PTPRM: variants seen among roughly 807,000 people sequenced by gnomAD.
PTPRM encodes the protein receptor-type tyrosine-protein phosphatase mu.
Under a neutral mutation model 186.7 loss-of-function variants are expected in PTPRM, and 47 were observed. That is an observed-to-expected ratio of 0.25 (90% CI 0.20 to 0.32). The LOEUF (loss-of-function observed/expected upper bound fraction) is 0.32, where lower values mean the gene tolerates loss of function less well. PTPRM is among the 10% of genes least tolerant of loss of function. PTPRM has a pLI of 1.00. For synonymous variants in PTPRM, 668 were observed against 674.9 expected (o/e 0.99, Z 0.16); for missense variants, 1,494 against 1,865.0 (o/e 0.80, Z 3.66).
At chr18:8,045,073 A>G (rs62089514) in intron 7 of PTPRM, among the ~76,000 whole-genome samples, 1 of 152,180 alleles carries the variant, frequency 6.6e-6, no homozygotes, top group Non-Finnish European at 1.5e-5. Context: ...TAAGCAGGGC[A>G]TGGTGGCTCA....
chr18:8,208,882 C>T (rs918019356), intron 14 of PTPRM, among the ~76,000 whole-genome samples: 8 of 152,232 alleles, frequency 5.3e-5, no homozygotes, highest in Admixed American at 1.3e-4. Flanking sequence ...GAAAGAAATT[C>T]GAGGCAGAGG....
At chr18:7,775,038 A>G (rs2042513257) in intron 2 of PTPRM, among the ~76,000 whole-genome samples, 2 of 152,228 alleles carry the variant, frequency 1.3e-5, no homozygotes, top group South Asian at 4.1e-4. Flanking sequence ...TTCAGATACA[A>G]CACAATTTTT....
chr18:7,613,550 G>A (rs1438073789), intron 1 of PTPRM, among the ~76,000 whole-genome samples: 1 of 152,072 alleles, frequency 6.6e-6, no homozygotes, highest in Non-Finnish European at 1.5e-5. Context: ...GCATGTACCT[G>A]CAGTCTGAGC....
chr18:7,955,899 C>T (rs1013963682), intron 7 of PTPRM, among the ~76,000 whole-genome samples: 2 of 152,100 alleles, frequency 1.3e-5, no homozygotes, highest in African/African-American at 4.8e-5. Context: ...ATGACTTGGG[C>T]CTGTTTGTAT....
At chr18:8,126,605 C>T (rs1330912184) in intron 13 of PTPRM, among the ~76,000 whole-genome samples, 1 of 152,168 alleles carries the variant, frequency 6.6e-6, no homozygotes, top group African/African-American at 2.4e-5. Context: ...TCCCATTTCA[C>T]ATCCTAAGTC....
chr18:7,656,505 G>A (rs117476848), intron 1 of PTPRM, among the ~76,000 whole-genome samples: 2,015 of 152,168 alleles, frequency 0.013, 21 homozygotes, highest in Non-Finnish European at 0.022. Context: ...TTCTGGTGGC[G>A]ATGGTTGCTT....
At chr18:8,280,109 A>G (rs1461915284) in intron 19 of PTPRM, among the ~76,000 whole-genome samples, 1 of 152,158 alleles carries the variant, frequency 6.6e-6, no homozygotes, top group African/African-American at 2.4e-5. Flanking sequence ...CTCACACAAC[A>G]GAAGGTTACT....
chr18:7,621,170 G>A (rs1161233664), intron 1 of PTPRM, among the ~76,000 whole-genome samples: 1 of 152,144 alleles, frequency 6.6e-6, no homozygotes, highest in African/African-American at 2.4e-5. Flanking sequence ...TTCATATGAG[G>A]CAGTAGAGGC....
intron 7 of PTPRM, among the ~76,000 whole-genome samples, chr18:8,029,302 T>C (rs1480183508): frequency 3.9e-5 from 5 of 128,750 alleles, no homozygotes; most frequent in South Asian, 2.8e-4. Flanking sequence ...CCTGTCCTGT[T>C]TGGAGTGCCC....
At chr18:7,950,796 T>A (rs1245051136) in intron 6 of PTPRM, among the ~76,000 whole-genome samples, 3 of 152,132 alleles carry the variant, frequency 2.0e-5, no homozygotes, top group Non-Finnish European at 4.4e-5. Context: ...TCTGACTTTT[T>A]AAAAATGTAA....
chr18:7,908,482 A>G (rs141072217), intron 4 of PTPRM, among the ~76,000 whole-genome samples: 2 of 152,298 alleles, frequency 1.3e-5, no homozygotes, highest in Non-Finnish European at 2.9e-5. Flanking sequence ...GTTAAGCTTT[A>G]TAGAGAAGAC....
At chr18:7,845,017 A>G (rs751748053) in intron 2 of PTPRM, among the ~76,000 whole-genome samples, 48 of 152,312 alleles carry the variant, frequency 3.2e-4, no homozygotes, top group Admixed American at 1.1e-3. Context: ...AGGTTTTTAT[A>G]GACAGTACTG....
chr18:7,921,254 A>G (rs2050843881), intron 4 of PTPRM, among the ~76,000 whole-genome samples: 1 of 152,024 alleles, frequency 6.6e-6, no homozygotes, highest in African/African-American at 2.4e-5. Context: ...AGTATTTTGT[A>G]GATAATCTTT....
At chr18:8,156,076 A>T (rs1355165113) in intron 14 of PTPRM, among the ~76,000 whole-genome samples, 1 of 152,168 alleles carries the variant, frequency 6.6e-6, no homozygotes, top group Non-Finnish European at 1.5e-5. Context: ...TCAGTCTATC[A>T]ATTAGCTGCC....
chr18:7,843,807 T>C (rs1432808950), intron 2 of PTPRM, among the ~76,000 whole-genome samples: 1 of 152,162 alleles, frequency 6.6e-6, no homozygotes, highest in Non-Finnish European at 1.5e-5. Flanking sequence ...TGGGAATGGA[T>C]TATCTCTGTT....
At chr18:8,393,637 A>G (rs1019331743) in intron 31 of PTPRM, among the ~76,000 whole-genome samples, 1 of 152,212 alleles carries the variant, frequency 6.6e-6, no homozygotes, top group African/African-American at 2.4e-5. Flanking sequence ...GTGGGCAAGT[A>G]AGGTGTTCAT....
intron 7 of PTPRM, among the ~76,000 whole-genome samples, chr18:7,984,588 T>TGCCCC (rs2082737122): frequency 8.2e-6 from 1 of 122,680 alleles, no homozygotes; most frequent in African/African-American, 3.4e-5. Flanking sequence ...TATATATATA[T>TGCCCC]ATATATATAT....
At chr18:7,847,974 CA>C (rs1359231400) in intron 2 of PTPRM, among the ~76,000 whole-genome samples, 9 of 152,154 alleles carry the variant, frequency 5.9e-5, no homozygotes, top group Non-Finnish European at 1.2e-4. Flanking sequence ...AGAGCTGTTT[CA>C]GGGGAGAAAT....
chr18:8,113,612 T>C lies in PTPRM; in HGVS notation c.1983T>C (p.Phe661=). The C allele has an allele frequency of 6.2e-7, 1 of 1,614,188 alleles. No homozygotes were observed. Among genetic ancestry groups the C allele is most frequent in the Non-Finnish European group, 8.5e-7 (1 of 1,180,016 alleles). The change falls in exon 12 of 33, where the codon TTT becomes TTC. Residue 661 remains phenylalanine, a synonymous_variant. Coordinates refer to ENST00000580170, the MANE Select transcript of PTPRM (RefSeq NM_001105244.2). ...CTCTGCTGAACTCACAGTACTACTT[T>C]GCTGCAGAATTTCCTGCAGACAGCC... ...NASLLNSQYY[F]AAEFPADSLQ...
Sources: gnomAD v4.1 joint callset for allele counts (sites outside exome capture counted in the v4.1 genomes callset) on GRCh38, gnomAD v4.1.1 for gene constraint, MANE v1.5 for transcripts, NCBI Gene and HGNC (gene_info 2026-07-23, HGNC 2026-07-21) for gene names.